The following AK7 variants were observed in gnomAD, a reference collection of about 807,000 sequenced individuals.
AK7 encodes ATP-AMP transphosphorylase 7.
In AK7, 78 loss-of-function variants were observed where a neutral mutation model predicts 96.6. The observed-to-expected ratio is 0.81, with a 90% confidence interval of 0.67 to 0.97. The LOEUF (loss-of-function observed/expected upper bound fraction) is 0.97. Ranked by LOEUF, AK7 falls within the 50% of genes least tolerant of loss-of-function variation. The pLI is 0.00. For synonymous variants in AK7, 302 were observed against 317.2 expected, an observed-to-expected ratio of 0.95 and a Z score of 0.51; for missense variants, 855 against 887.9, an observed-to-expected ratio of 0.96 and a Z score of 0.47.
At chr14:96,401,517 G>A (rs1246924417) in intron 2 of AK7, among the ~76,000 whole-genome samples, 1 of 152,186 alleles carries the variant, frequency 6.6e-6, no homozygotes, top group Non-Finnish European at 1.5e-5. Flanking sequence ...CACCATGCAA[G>A]GGGGAATGCC....
At chr14:96,480,619 G>T (rs1225497651) in intron 15 of AK7, among the ~76,000 whole-genome samples, 1 of 152,068 alleles carries the variant, frequency 6.6e-6, no homozygotes, top group Non-Finnish European at 1.5e-5. Flanking sequence ...TAGAGAACTA[G>T]GAAAGAATGG....
intron 1 of AK7, among the ~76,000 whole-genome samples, chr14:96,397,168 AAAT>A (rs1348679133): frequency 6.6e-6 from 1 of 152,256 alleles, no homozygotes; most frequent in Non-Finnish European, 1.5e-5. Flanking sequence ...TTTCAAATAA[AAAT>A]AAAATATCTC....
Position 96,392,325 on chromosome 14 carries a change from C to T in AK7, c.105+66C>T, listed in dbSNP as rs540075940. On this transcript the variant is annotated intron_variant, in intron 1 of 17. Coordinates refer to ENST00000267584, the MANE Select transcript of AK7 (RefSeq NM_152327.5). ...AGCTCCCAGCCCTCGGCCCCCGGTC[C>T]GCAAACCCAGCGAGGGTCTGCGCCC... is the stretch of plus-strand genomic sequence containing the variant. 561 of 1,456,292 alleles carry T rather than the reference C, an allele frequency of 3.9e-4. 1 individual carries two copies. The highest frequency in any genetic ancestry group is 2.6e-4 in the Non-Finnish European group (277 of 1,047,356). The allele number at this position is 1,456,292 out of a possible 1,614,324, so 90.2% of individuals were successfully genotyped here. A position where few individuals can be genotyped will look rare whatever the true frequency, so the allele number is the denominator to read the frequency against.
chr14:96,472,945 C>T lies in AK7; in HGVS notation c.1555+190C>T, dbSNP rs1053316761. 5.3e-5 allele frequency among the ~76,000 whole-genome samples: 8 copies of T among 151,998 alleles called. No homozygotes were observed. In the East Asian group the frequency reaches 1.2e-3, roughly 22 times the overall value. On this transcript the variant is annotated intron_variant, in intron 14 of 17. Transcript: ENST00000267584. ...AGAAATACAAAAATTAGCTGGGTGTCGTAGCGTGTGCCTGTAGTCCTAGCT... is the reference window on the plus strand; with the variant it reads ...AGAAATACAAAAATTAGCTGGGTGTTGTAGCGTGTGCCTGTAGTCCTAGCT...
intron 5 of AK7, among the ~76,000 whole-genome samples, chr14:96,431,929 A>C (rs1478635913): frequency 1.3e-5 from 2 of 152,070 alleles, no homozygotes; most frequent in African/African-American, 4.8e-5. Context: ...TGCTTTATGA[A>C]TCTGGGTGCT....
At chr14:96,441,933 C>T (rs756983210) in intron 6 of AK7, among the ~76,000 whole-genome samples, 3 of 152,112 alleles carry the variant, frequency 2.0e-5, no homozygotes, top group African/African-American at 7.2e-5. Flanking sequence ...CTCTCCTTCC[C>T]GCCACTTCTC....
At chr14:96,478,041 T>C (rs1162320436) in intron 14 of AK7, among the ~76,000 whole-genome samples, 1 of 152,134 alleles carries the variant, frequency 6.6e-6, no homozygotes, top group Non-Finnish European at 1.5e-5. Context: ...TATAAGTATG[T>C]ATTTTTTAAA....
intron 8 of AK7, among the ~76,000 whole-genome samples, chr14:96,447,515 G>C (rs1250753034): frequency 6.6e-6 from 1 of 151,936 alleles, no homozygotes; most frequent in South Asian, 2.1e-4. Context: ...TCAAAATGAG[G>C]TCTCACCATG....
chr14:96,465,872 C>T (rs376068588), intron 12 of AK7, among the ~76,000 whole-genome samples: 4 of 151,724 alleles, frequency 2.6e-5, no homozygotes, highest in East Asian at 2.0e-4. Flanking sequence ...TAGCCAGGTG[C>T]GGTGGCAGAT....
intron 12 of AK7, among the ~76,000 whole-genome samples, chr14:96,459,758 T>C (rs1426363180): frequency 6.6e-6 from 1 of 151,476 alleles, no homozygotes. Flanking sequence ...GTGCCTGTAA[T>C]CCTAGCTACT....
At chr14:96,454,085 G>A (rs542868707) in intron 10 of AK7, among the ~76,000 whole-genome samples, 1 of 152,104 alleles carries the variant, frequency 6.6e-6, no homozygotes, top group African/African-American at 2.4e-5. Context: ...ATCCCTATCC[G>A]ATGGGACAGC....
At chr14:96,469,334 A>G (rs1894754007) in intron 12 of AK7, among the ~76,000 whole-genome samples, 1 of 152,204 alleles carries the variant, frequency 6.6e-6, no homozygotes, top group African/African-American at 2.4e-5. Context: ...CAGCCTGACC[A>G]ACATGGCAAA....
chr14:96,418,542 G>T (rs1485293518), intron 4 of AK7, among the ~76,000 whole-genome samples: 3 of 144,724 alleles, frequency 2.1e-5, no homozygotes, highest in Non-Finnish European at 4.6e-5. Flanking sequence ...TTTTTGAAAA[G>T]AATTTTTGCT....
chr14:96,424,162 C>A, intron 5 of AK7: 1 of 611,308 alleles, frequency 1.6e-6, no homozygotes, highest in Non-Finnish European at 3.1e-6. Flanking sequence ...TGCGGCTGTT[C>A]GTCCACTTCC....
intron 5 of AK7, among the ~76,000 whole-genome samples, chr14:96,432,887 G>A (rs1009196282): frequency 1.1e-4 from 17 of 151,924 alleles, no homozygotes; most frequent in South Asian, 4.2e-4. Flanking sequence ...CCAGCTACTC[G>A]GGAGGCTGAG....
chr14:96,447,847 C>T (rs1047632729), intron 8 of AK7, among the ~76,000 whole-genome samples: 1 of 152,178 alleles, frequency 6.6e-6, no homozygotes, highest in African/African-American at 2.4e-5. Context: ...CTGGCTAAAG[C>T]AGCTACCATG....
chr14:96,415,435 T>C (rs1201186554), intron 4 of AK7, among the ~76,000 whole-genome samples: 4 of 152,158 alleles, frequency 2.6e-5, no homozygotes, highest in Admixed American at 2.6e-4. Context: ...GCATCACATC[T>C]TTTGCCACCT....
chr14:96,456,853 G>T (rs550356364), intron 11 of AK7: 13 of 215,968 alleles, frequency 6.0e-5, no homozygotes, highest in African/African-American at 2.8e-4. Context: ...TTCTCCTGAG[G>T]ACACTCTTGG....
rs571079441 is a variant in AK7, at chr14:96,458,760, A to C, written c.1357+548A>C. On this transcript the variant is annotated intron_variant, in intron 12 of 17. Coordinates refer to ENST00000267584, the MANE Select transcript of AK7 (RefSeq NM_152327.5). ...TCTGTCTCAAAAAAAAAAAAAAAAA[A>C]ATTAGCTGAGCATCGTGGCATGTGC... Among the ~76,000 whole-genome samples, 198 of 150,668 alleles carry C rather than the reference A, an allele frequency of 1.3e-3. 2 individuals are homozygous for C. The highest frequency in any genetic ancestry group is 4.4e-3 in the African/African-American group (181 of 40,906).
Sources: gnomAD v4.1 joint callset for allele counts (sites outside exome capture counted in the v4.1 genomes callset) on GRCh38, gnomAD v4.1.1 for gene constraint, MANE v1.5 for transcripts, NCBI Gene and HGNC (gene_info 2026-07-23, HGNC 2026-07-21) for gene names.